Variants in ADAM17 observed in about 807,000 individuals in gnomAD.
ADAM17 encodes the protein ADAM metallopeptidase domain 17, also known as disintegrin and metalloproteinase domain-containing protein 17.
ADAM17 carries 39 observed loss-of-function variants against 96.7 expected under a neutral mutation model. That is an observed-to-expected ratio of 0.40 (90% confidence interval 0.31 to 0.53). The LOEUF (loss-of-function observed/expected upper bound fraction) is 0.53. Ranked by LOEUF, ADAM17 falls within the 20% of genes least tolerant of loss-of-function variation. The pLI is 0.44. For missense variants in ADAM17, 777 were observed against 1,013.2 expected (o/e 0.77, Z 3.17); for synonymous variants, 344 against 359.2 (o/e 0.96, Z 0.48).
At chr2:9,524,407 T>G (rs1664437688) in intron 6 of ADAM17, among the ~76,000 whole-genome samples, 1 of 152,050 alleles carries the variant, frequency 6.6e-6, no homozygotes, top group African/African-American at 2.4e-5. Flanking sequence ...GGAAGATTGC[T>G]TTGGCCCGGG....
intron 17 of ADAM17, among the ~76,000 whole-genome samples, chr2:9,492,525 A>G (rs1343636524): frequency 6.6e-6 from 1 of 152,214 alleles, no homozygotes; most frequent in African/African-American, 2.4e-5. Context: ...TATATGGGGA[A>G]CATCTGAAAT....
intron 6 of ADAM17, among the ~76,000 whole-genome samples, chr2:9,524,693 C>A (rs1344259561): frequency 6.6e-6 from 1 of 152,158 alleles, no homozygotes; most frequent in African/African-American, 2.4e-5. Flanking sequence ...CCACTCTCAC[C>A]CCAAAAAGTT....
intron 4 of ADAM17, among the ~76,000 whole-genome samples, chr2:9,531,470 C>T (rs780563322): frequency 1.3e-5 from 2 of 149,566 alleles, no homozygotes; most frequent in Non-Finnish European, 3.0e-5. Context: ...GGGAGGCCGA[C>T]GCGGGTGGAT....
chr2:9,509,899 A>C, intron 11 of ADAM17, 80 bp downstream of exon 11: 1 of 1,536,662 alleles, frequency 6.5e-7, no homozygotes, highest in Non-Finnish European at 8.8e-7. Context: ...TAGGAATGGA[A>C]TACGTTTCTG....
intron 11 of ADAM17, among the ~76,000 whole-genome samples, chr2:9,509,553 T>C (rs866652943): frequency 1.5e-4 from 23 of 152,332 alleles, no homozygotes; most frequent in African/African-American, 4.6e-4. Flanking sequence ...CCATGAGGCT[T>C]GTAGTCAGGC....
Position 9,489,289 on chromosome 2 carries a change from A to G in ADAM17, c.*888T>C, listed in dbSNP as rs1328367041. ...TTTTTTTTTTTTTTTTTTTTGAGGC[A>G]GAGTCTCACTCTGTCACCCAGGCTG... is the stretch of plus-strand genomic sequence containing the variant. On this transcript the variant is annotated 3_prime_UTR_variant, in exon 19 of 19. Transcript: ENST00000310823. 1.8e-3 allele frequency: 202 copies of G among 113,640 alleles called. 1 individual carries two copies. Among genetic ancestry groups the G allele is most frequent in the African/African-American group, 0.011 (197 of 17,184 alleles). The allele number at this position is 113,640 out of a possible 1,614,324, so 7.0% of individuals were successfully genotyped here.
intron 1 of ADAM17, among the ~76,000 whole-genome samples, chr2:9,550,524 C>CA (rs1355399815): frequency 6.9e-6 from 1 of 144,864 alleles, no homozygotes; most frequent in Non-Finnish European, 1.5e-5. Context: ...TGGCACACTG[C>CA]AACCTCTGCC....
chr2:9,490,968 A>G, intron 18 of ADAM17, 133 bp downstream of exon 18: 1 of 762,208 alleles, frequency 1.3e-6, no homozygotes, highest in Non-Finnish European at 2.1e-6. Flanking sequence ...TAAACATTCC[A>G]ACCTAGACCC....
At chr2:9,549,971 T>C (rs1440161623) in intron 1 of ADAM17, among the ~76,000 whole-genome samples, 10 of 152,172 alleles carry the variant, frequency 6.6e-5, no homozygotes, top group Admixed American at 6.6e-4. Flanking sequence ...AAAATGACAC[T>C]ATCAATGTCA....
chr2:9,555,640 G>C lies in ADAM17; in HGVS notation c.-35C>G. Reference sequence around the variant, plus strand: ...CCCGCTACCGACTCCACCTCTCTGGGCAGCCTTCGCCTGACGGGGTTTCGG... The same window carrying C: ...CCCGCTACCGACTCCACCTCTCTGGCCAGCCTTCGCCTGACGGGGTTTCGG... On this transcript the variant is annotated 5_prime_UTR_variant, in exon 1 of 19. Coordinates refer to ENST00000310823, the MANE Select transcript of ADAM17 (RefSeq NM_003183.6). The C allele has an allele frequency of 1.3e-6, 2 of 1,512,316 alleles. No individual in the cohort carries two copies. The highest frequency in any genetic ancestry group is 2.5e-5 in the South Asian group (2 of 80,598). 93.7% of individuals were successfully genotyped at this position (1,512,316 alleles called of 1,614,324 possible).
chr2:9,503,837 C>A (rs75571207), intron 12 of ADAM17, among the ~76,000 whole-genome samples: 99 of 124,730 alleles, frequency 7.9e-4, no homozygotes, highest in African/African-American at 9.1e-4. Flanking sequence ...GACTCCGTCT[C>A]AAAAAAAAAA....
intron 8 of ADAM17, among the ~76,000 whole-genome samples, chr2:9,519,827 G>C (rs1254192672): frequency 1.3e-5 from 2 of 152,154 alleles, no homozygotes; most frequent in African/African-American, 4.8e-5. Context: ...CTTGATTTTG[G>C]ACTTCCAGCT....
chr2:9,528,804 A>G (rs1664628798), intron 4 of ADAM17, among the ~76,000 whole-genome samples: 1 of 152,238 alleles, frequency 6.6e-6, no homozygotes. Context: ...AAAGACAAAT[A>G]CTGGTGAGGA....
At chr2:9,524,429 G>A (rs577597224) in intron 6 of ADAM17, among the ~76,000 whole-genome samples, 13 of 152,136 alleles carry the variant, frequency 8.5e-5, no homozygotes, top group Admixed American at 3.9e-4. Flanking sequence ...AATAGAGGCT[G>A]CAGCAAGCTA....
chr2:9,521,100 G>T lies in ADAM17; in HGVS notation c.957+103C>A. The T allele has an allele frequency of 4.6e-6, 4 of 872,806 alleles. No individual in the cohort carries two copies. The Admixed American group carries it at 6.0e-5, about 13-fold the overall frequency. 54.1% of individuals were successfully genotyped at this position (872,806 alleles called of 1,614,324 possible). ...ATCAGCTGGAGGAGACTGCTTCTGG[G>T]TGTCCATCTTTTCTAACATGCTCCT... On this transcript the variant is annotated intron_variant, in intron 8 of 18. Coordinates refer to ENST00000310823, the MANE Select transcript of ADAM17 (RefSeq NM_003183.6).
chr2:9,492,394 G>A (rs1270588236), intron 17 of ADAM17, among the ~76,000 whole-genome samples: 3 of 152,204 alleles, frequency 2.0e-5, no homozygotes, highest in Non-Finnish European at 4.4e-5. Flanking sequence ...AGAAAAGACT[G>A]CTTACTCTTA....
chr2:9,493,558 A>G (rs1662327953), intron 16 of ADAM17, among the ~76,000 whole-genome samples, 189 bp downstream of exon 16: 1 of 152,206 alleles, frequency 6.6e-6, no homozygotes, highest in Non-Finnish European at 1.5e-5. Flanking sequence ...TGTGCATCCA[A>G]GCTCCACGGG....
chr2:9,545,965 G>A (rs1260835267), intron 1 of ADAM17, among the ~76,000 whole-genome samples: 1 of 151,928 alleles, frequency 6.6e-6, no homozygotes, highest in African/African-American at 2.4e-5. Context: ...AGGCATGGTG[G>A]CATGTGCTTG....
intron 11 of ADAM17, 91 bp from the exon 12 acceptor site, chr2:9,505,456 T>A: frequency 7.4e-7 from 1 of 1,352,402 alleles, no homozygotes; most frequent in Non-Finnish European, 1.0e-6. Flanking sequence ...GACAAACTCT[T>A]AATGTAAAAC....
Sources: gnomAD v4.1 joint callset for allele counts (sites outside exome capture counted in the v4.1 genomes callset) on GRCh38, gnomAD v4.1.1 for gene constraint, MANE v1.5 for transcripts, NCBI Gene and HGNC (gene_info 2026-07-23, HGNC 2026-07-21) for gene names.